The following ANXA8 variants were observed in gnomAD, a reference collection of about 807,000 sequenced individuals.
The protein encoded by ANXA8 is VAC-beta.
A neutral mutation model predicts 26.8 loss-of-function variants in ANXA8; 9 were observed. The observed-to-expected ratio is 0.34, with a 90% CI of 0.20 to 0.59. ANXA8 has a LOEUF of 0.59. ANXA8 is among the 20% of genes least tolerant of loss of function. The probability of loss-of-function intolerance (pLI) is 0.84; values close to 1 mark genes in which losing one functional copy is unlikely to be tolerated. For missense variants in ANXA8, 83 were observed against 238.5 expected, an observed-to-expected ratio of 0.35 and a Z score of 4.29; for synonymous variants, 39 against 94.8, an observed-to-expected ratio of 0.41 and a Z score of 3.42.
the ANXA8 span, among the ~76,000 whole-genome samples, chr10:47,951,655 C>A: frequency 6.7e-6 from 1 of 149,968 alleles, no homozygotes; most frequent in Non-Finnish European, 1.5e-5. Flanking sequence ...ACTAAAAATA[C>A]AAAAAATTAG....
At chr10:47,593,681 A>G in the ANXA8 span, among the ~76,000 whole-genome samples, 1 of 149,738 alleles carries the variant, frequency 6.7e-6, no homozygotes, top group Non-Finnish European at 1.5e-5. Flanking sequence ...CTACAGAGAA[A>G]TGAAGCCAAT....
the ANXA8 span, among the ~76,000 whole-genome samples, chr10:47,671,701 A>G: frequency 9.2e-5 from 14 of 151,826 alleles, no homozygotes; most frequent in Admixed American, 3.9e-4. Context: ...CAAAGGTCAC[A>G]TAGTTGGCAA....
the ANXA8 span, among the ~76,000 whole-genome samples, chr10:47,778,821 A>G: frequency 1.3e-5 from 2 of 151,524 alleles, no homozygotes; most frequent in Non-Finnish European, 2.9e-5. Context: ...ACAGAATCCA[A>G]TTAGGTATTT....
chr10:47,676,686 G>A, the ANXA8 span, among the ~76,000 whole-genome samples: 2 of 151,770 alleles, frequency 1.3e-5, no homozygotes, highest in South Asian at 2.1e-4. Context: ...AGAACTTTGG[G>A]AGGTGGGCAA....
upstream of ANXA8, among the ~76,000 whole-genome samples, chr10:47,485,276 C>A (rs1365205154): frequency 6.6e-6 from 1 of 151,962 alleles, no homozygotes; most frequent in African/African-American, 2.4e-5. Flanking sequence ...ATCCTTTGGG[C>A]ACCTGTGTGT....
chr10:47,895,367 A>T, the ANXA8 span, among the ~76,000 whole-genome samples: 1 of 150,862 alleles, frequency 6.6e-6, no homozygotes, highest in African/African-American at 2.4e-5. Flanking sequence ...TCCTGTGCTC[A>T]ATCTAGGACT....
At chr10:47,768,913 C>G in the ANXA8 span, among the ~76,000 whole-genome samples, 7 of 150,172 alleles carry the variant, frequency 4.7e-5, no homozygotes, top group African/African-American at 1.7e-4. Context: ...GCGAGTGTGG[C>G]TCAGAGTGTG....
chr10:47,767,094 C>G, the ANXA8 span, among the ~76,000 whole-genome samples: 8 of 138,176 alleles, frequency 5.8e-5, no homozygotes, highest in South Asian at 7.6e-4. Flanking sequence ...GAAGTGTCAT[C>G]TCTCATCACT....
At chr10:47,625,805 C>A in the ANXA8 span, among the ~76,000 whole-genome samples, 2 of 150,514 alleles carry the variant, frequency 1.3e-5, 1 homozygote, top group African/African-American at 5.0e-5. Flanking sequence ...CCATGATGTG[C>A]AATCAATTTT....
At chr10:47,777,556 G>T in the ANXA8 span, among the ~76,000 whole-genome samples, 1 of 152,202 alleles carries the variant, frequency 6.6e-6, no homozygotes, top group African/African-American at 2.4e-5. Flanking sequence ...GATAAACATG[G>T]TGGGAAACCT....
At chr10:47,672,602 A>C in the ANXA8 span, among the ~76,000 whole-genome samples, 6 of 152,022 alleles carry the variant, frequency 3.9e-5, no homozygotes, top group African/African-American at 1.5e-4. Flanking sequence ...TGGAGGAGAC[A>C]GTTAAAAAAT....
At chr10:47,597,080 G>C in the ANXA8 span, among the ~76,000 whole-genome samples, 3 of 148,982 alleles carry the variant, frequency 2.0e-5, 1 homozygote, top group African/African-American at 7.7e-5. Context: ...CTTTATACCT[G>C]GGATGTAAGA....
chr10:47,583,986 G>A, the ANXA8 span, among the ~76,000 whole-genome samples: 6 of 93,132 alleles, frequency 6.4e-5, 1 homozygote, highest in Non-Finnish European at 1.0e-4. Flanking sequence ...TCGAGAACAG[G>A]GTGGGCACCC....
chr10:47,534,315 C>T, the ANXA8 span, among the ~76,000 whole-genome samples: 1 of 128,794 alleles, frequency 7.8e-6, no homozygotes, highest in South Asian at 2.3e-4. Context: ...CTCCACTCTT[C>T]CAACTCAGAC....
chr10:47,621,901 C>G, the ANXA8 span, among the ~76,000 whole-genome samples: 32 of 55,354 alleles, frequency 5.8e-4, 5 homozygotes, highest in African/African-American at 4.6e-3. Context: ...AAAATAATAG[C>G]GTTGTGAGAA....
chr10:47,745,350 T>C, the ANXA8 span, among the ~76,000 whole-genome samples: 1 of 148,338 alleles, frequency 6.7e-6, no homozygotes, highest in South Asian at 2.2e-4. Context: ...AATGGAAGTC[T>C]GGGAATTATA....
At chr10:47,571,189 T>C in the ANXA8 span, among the ~76,000 whole-genome samples, 1 of 137,434 alleles carries the variant, frequency 7.3e-6, no homozygotes, top group African/African-American at 2.8e-5. Context: ...TTATCGCCCA[T>C]ATCTGCAATA....
chr10:47,883,318 G>A, the ANXA8 span, among the ~76,000 whole-genome samples: 2 of 2,532 alleles, frequency 7.9e-4, no homozygotes, highest in East Asian at 8.5e-3. Flanking sequence ...TGGAGGGCAC[G>A]TGCCTGTTCC....
chr10:47,485,645 A>AT (rs1840025150), upstream of ANXA8, among the ~76,000 whole-genome samples: 1 of 151,964 alleles, frequency 6.6e-6, no homozygotes, highest in Non-Finnish European at 1.5e-5. Context: ...GGGATGCAAT[A>AT]TTTTTACAAA....
Sources: gnomAD v4.1 joint callset for allele counts (sites outside exome capture counted in the v4.1 genomes callset) on GRCh38, gnomAD v4.1.1 for gene constraint, MANE v1.5 for transcripts, NCBI Gene and HGNC (gene_info 2026-07-23, HGNC 2026-07-21) for gene names.